The following NAALADL2 variants were observed in gnomAD, a reference collection of about 807,000 sequenced individuals.
NAALADL2 encodes N-acetylated alpha-linked acidic dipeptidase like 2, also known as inactive N-acetylated-alpha-linked acidic dipeptidase-like protein 2.
In NAALADL2, 76 loss-of-function variants were observed where a neutral mutation model predicts 87.2. The observed-to-expected ratio is 0.87, with a 90% CI of 0.72 to 1.05. The LOEUF (loss-of-function observed/expected upper bound fraction) is 1.05, where lower values mean the gene tolerates loss of function less well. NAALADL2 is among the 50% of genes least tolerant of loss of function. The probability of loss-of-function intolerance (pLI) is 0.00; values close to 1 mark genes in which losing one functional copy is unlikely to be tolerated. For synonymous variants in NAALADL2, 354 were observed against 331.0 expected (o/e 1.07, Z -0.75); for missense variants, 1,089 against 945.8 (o/e 1.15, Z -1.99).
At chr3:175,199,085 G>T (rs1739424174) in intron 2 of NAALADL2, among the ~76,000 whole-genome samples, 1 of 152,104 alleles carries the variant, frequency 6.6e-6, no homozygotes, top group African/African-American at 2.4e-5. Flanking sequence ...TTTTGCCTTT[G>T]AAACGGGATT....
chr3:175,367,836 A>G (rs1252941698), intron 5 of NAALADL2, among the ~76,000 whole-genome samples: 2 of 152,188 alleles, frequency 1.3e-5, no homozygotes, highest in Non-Finnish European at 2.9e-5. Context: ...TCCTAACTGA[A>G]TACCCTTTAT....
intron 5 of NAALADL2, among the ~76,000 whole-genome samples, chr3:175,365,661 T>G (rs1560436988): frequency 6.8e-6 from 1 of 147,196 alleles, no homozygotes; most frequent in Non-Finnish European, 1.5e-5. Context: ...TTGTGTGTAC[T>G]TTTGAGTGTG....
intron 2 of NAALADL2, among the ~76,000 whole-genome samples, chr3:174,617,119 C>T (rs1287899650): frequency 6.6e-6 from 1 of 151,742 alleles, no homozygotes; most frequent in Non-Finnish European, 1.5e-5. Context: ...AACATACCTA[C>T]TGCTTTAAGG....
chr3:175,662,645 C>T (rs933845879), intron 11 of NAALADL2, among the ~76,000 whole-genome samples: 3 of 150,544 alleles, frequency 2.0e-5, no homozygotes, highest in African/African-American at 7.5e-5. Flanking sequence ...ACAGCCTTTA[C>T]CATTTGAGTT....
At chr3:174,925,247 A>G (rs945641468) in intron 1 of NAALADL2, among the ~76,000 whole-genome samples, 13 of 152,154 alleles carry the variant, frequency 8.5e-5, no homozygotes, top group Admixed American at 2.0e-4. Context: ...TAATTTTTGT[A>G]TAAGGTGTAA....
intron 2 of NAALADL2, among the ~76,000 whole-genome samples, chr3:175,193,751 A>G (rs1738559111): frequency 6.6e-6 from 1 of 152,018 alleles, no homozygotes; most frequent in South Asian, 2.1e-4. Flanking sequence ...TATTTTATTA[A>G]TATGCTACTT....
At chr3:175,191,782 C>G in intron 2 of NAALADL2, among the ~76,000 whole-genome samples, 1 of 152,222 alleles carries the variant, frequency 6.6e-6, no homozygotes, top group East Asian at 1.9e-4. Flanking sequence ...TCACTGATTT[C>G]TTTAAGAAGT....
chr3:174,686,375 A>G (rs1728041214), intron 2 of NAALADL2, among the ~76,000 whole-genome samples: 1 of 151,856 alleles, frequency 6.6e-6, no homozygotes, highest in Non-Finnish European at 1.5e-5. Flanking sequence ...AGCATCTGTT[A>G]TTTTTTGACT....
Position 175,228,392 on chromosome 3 carries a change from C to T in NAALADL2, c.546-5539C>T, listed in dbSNP as rs1744460044. Among the ~76,000 whole-genome samples, 3 of 151,740 alleles carry T rather than the reference C, an allele frequency of 2.0e-5. No homozygotes were observed. The South Asian group carries it at 6.2e-4, about 31-fold the overall frequency. On this transcript the variant is annotated intron_variant, in intron 2 of 13. Transcript: ENST00000454872. ...TGTCTAAGGTGTTATAGTGCATTTC[C>T]ATTTTGAGTAATTTGTTAATAGATA... is the stretch of plus-strand genomic sequence containing the variant.
chr3:175,676,512 A>G (rs540236770), intron 11 of NAALADL2: 4 of 152,334 alleles, frequency 2.6e-5, no homozygotes, highest in East Asian at 3.9e-4. Flanking sequence ...TGATACGTAC[A>G]GAGTTGTTTT....
chr3:174,547,300 A>T (rs1711514939), intron 1 of NAALADL2, among the ~76,000 whole-genome samples: 1 of 152,146 alleles, frequency 6.6e-6, no homozygotes, highest in Non-Finnish European at 1.5e-5. Flanking sequence ...TAGATTTTTA[A>T]GGGGAATGAA....
At chr3:174,795,162 T>A (rs1717941560) in intron 3 of NAALADL2, among the ~76,000 whole-genome samples, 1 of 115,678 alleles carries the variant, frequency 8.6e-6, no homozygotes, top group Non-Finnish European at 2.1e-5. Flanking sequence ...TGGCTAGTAT[T>A]TTTTTTGTAT....
intron 2 of NAALADL2, among the ~76,000 whole-genome samples, chr3:174,726,575 C>T (rs1026912075): frequency 2.0e-5 from 3 of 152,084 alleles, no homozygotes; most frequent in African/African-American, 7.2e-5. Context: ...CGAATCCCAG[C>T]CCTGTTCATA....
rs574816193 is a variant in NAALADL2 at position 175,338,070 on chromosome 3, A to G, written c.1090+13745A>G. ...AGTAAAGCAATTAATGAGTTTTTAG[A>G]TACACCAAGCTATGTCAGGAGTGTG... is the stretch of plus-strand genomic sequence containing the variant. On this transcript the variant is annotated intron_variant, in intron 5 of 13. Coordinates refer to ENST00000454872, the MANE Select transcript of NAALADL2 (RefSeq NM_207015.3). Among the ~76,000 whole-genome samples, 5 of 152,292 alleles carry G rather than the reference A, an allele frequency of 3.3e-5. No homozygotes were observed. The East Asian group carries it at 7.7e-4, about 24-fold the overall frequency.
At chr3:175,310,168 T>G (rs577838909) in intron 4 of NAALADL2, among the ~76,000 whole-genome samples, 1 of 152,206 alleles carries the variant, frequency 6.6e-6, no homozygotes, top group Non-Finnish European at 1.5e-5. Flanking sequence ...AATACATTCT[T>G]TTTATACCCA....
At chr3:175,709,616 GGC>G in intron 11 of NAALADL2, among the ~76,000 whole-genome samples, 1 of 151,462 alleles carries the variant, frequency 6.6e-6, no homozygotes, top group African/African-American at 2.4e-5. Context: ...TAATAGACTT[GGC>G]AATCATTCTC....
At chr3:174,557,464 A>G (rs909633947) in intron 2 of NAALADL2, among the ~76,000 whole-genome samples, 3 of 152,158 alleles carry the variant, frequency 2.0e-5, no homozygotes, top group Admixed American at 6.5e-5. Flanking sequence ...TATTTGAGGT[A>G]TCTTTTTAAA....
chr3:174,947,168 A>G (rs1739559051), intron 1 of NAALADL2, among the ~76,000 whole-genome samples: 1 of 152,132 alleles, frequency 6.6e-6, no homozygotes, highest in Admixed American at 6.6e-5. Context: ...GCCACATGAT[A>G]CTGATTTTTC....
chr3:174,872,213 T>A (rs1163329113), intron 1 of NAALADL2, among the ~76,000 whole-genome samples: 2 of 152,188 alleles, frequency 1.3e-5, no homozygotes, highest in African/African-American at 2.4e-5. Flanking sequence ...GAGTAGCTAC[T>A]AACTGGTAAA....
Sources: gnomAD v4.1 joint callset for allele counts (sites outside exome capture counted in the v4.1 genomes callset) on GRCh38, gnomAD v4.1.1 for gene constraint, MANE v1.5 for transcripts, NCBI Gene and HGNC (gene_info 2026-07-23, HGNC 2026-07-21) for gene names.